DOCK11: variants seen among roughly 807,000 people sequenced by gnomAD.
DOCK11 encodes dedicator of cytokinesis 11, also known as dedicator of cytokinesis protein 11.
Under a neutral mutation model 169.1 loss-of-function variants are expected in DOCK11, and 70 were observed. That is an observed-to-expected ratio of 0.41 (90% confidence interval 0.34 to 0.51). DOCK11 has a LOEUF of 0.51. Among genes scored for constraint, DOCK11 ranks in the 20% least tolerant of loss-of-function variants. The pLI is 0.10. For missense variants in DOCK11, 1,166 were observed against 1,538.8 expected (o/e 0.76, Z 4.05); for synonymous variants, 529 against 541.3 (o/e 0.98, Z 0.32).
intron 1 of DOCK11, among the ~76,000 whole-genome samples, chrX:118,511,082 AGATGTG>A (rs1349878015): frequency 8.9e-6 from 1 of 112,123 alleles, no homozygotes; most frequent in Non-Finnish European, 1.9e-5. Context: ...ACTCTATCGT[AGATGTG>A]GATTGCATTT....
At chrX:118,577,817 T>G (rs2013496336) in intron 12 of DOCK11, among the ~76,000 whole-genome samples, 2 of 111,904 alleles carry the variant, frequency 1.8e-5, no homozygotes, top group Admixed American at 1.9e-4. Flanking sequence ...AGAGACTCAG[T>G]GATAGATTTT....
chrX:118,619,522 T>C (rs892140512), intron 31 of DOCK11, among the ~76,000 whole-genome samples: 2 of 104,943 alleles, frequency 1.9e-5, no homozygotes, highest in Non-Finnish European at 3.9e-5. Context: ...ATAGTTTAGT[T>C]AACTGTTAAA....
intron 35 of DOCK11, chrX:118,632,896 T>C (rs1239735034): frequency 9.8e-6 from 1 of 102,446 alleles, no homozygotes; most frequent in Admixed American, 1.1e-4. Flanking sequence ...GAAGTCTGAA[T>C]TGACAAGAAG....
chrX:118,630,339 A>G (rs777782390), intron 34 of DOCK11, 40 bp from the exon 35 acceptor site: 7 of 903,241 alleles, frequency 7.7e-6, no homozygotes, highest in Non-Finnish European at 7.9e-6. Context: ...GCTGTGGAAA[A>G]TTGTACTGAT....
chrX:118,644,559 T>C (rs1201269998), intron 40 of DOCK11, among the ~76,000 whole-genome samples: 1 of 112,036 alleles, frequency 8.9e-6, no homozygotes, highest in Non-Finnish European at 1.9e-5. Flanking sequence ...TAAAGGCTTA[T>C]TGTCCAGTAG....
intron 46 of DOCK11, among the ~76,000 whole-genome samples, chrX:118,673,506 C>T (rs928943817): frequency 5.4e-5 from 6 of 111,594 alleles, no homozygotes; most frequent in African/African-American, 2.0e-4. Flanking sequence ...CTGATGCATA[C>T]TTTTTCAGTG....
At chrX:118,632,175 G>C (rs966405976) in intron 35 of DOCK11, among the ~76,000 whole-genome samples, 20 of 111,016 alleles carry the variant, frequency 1.8e-4, no homozygotes, top group South Asian at 3.8e-4. Flanking sequence ...GGATGGTCTC[G>C]ATCTCCTGAC....
At chrX:118,681,032 G>A in intron 49 of DOCK11, 26 bp from the exon 50 acceptor site, 3 of 1,116,613 alleles carry the variant, frequency 2.7e-6, no homozygotes, top group Non-Finnish European at 3.6e-6. Flanking sequence ...TCTAAAGTCA[G>A]TAAATCAATC....
At chrX:118,629,166 A>G (rs1057514615) in intron 34 of DOCK11, among the ~76,000 whole-genome samples, 4 of 111,714 alleles carry the variant, frequency 3.6e-5, no homozygotes, top group Non-Finnish European at 7.5e-5. Flanking sequence ...GTTACCCTTG[A>G]GAACCAGTGG....
intron 44 of DOCK11, among the ~76,000 whole-genome samples, chrX:118,656,302 T>C: frequency 9.0e-6 from 1 of 110,988 alleles, no homozygotes; most frequent in Admixed American, 9.5e-5. Context: ...AATGAATAAA[T>C]AAATTTTTTA....
chrX:118,588,550 T>C (rs1361592098), intron 18 of DOCK11, 72 bp downstream of exon 18: 18 of 835,553 alleles, frequency 2.2e-5, no homozygotes, highest in Admixed American at 3.5e-5. Flanking sequence ...AGTCTTATGC[T>C]CTAGGTTTAA....
intron 40 of DOCK11, among the ~76,000 whole-genome samples, chrX:118,644,331 C>T (rs1219065727): frequency 8.9e-6 from 1 of 111,886 alleles, no homozygotes; most frequent in Non-Finnish European, 1.9e-5. Flanking sequence ...GCTTTGAAAA[C>T]TTTTTGCCAT....
rs757082605 is a variant in DOCK11 at position 118,599,114 on chromosome X, A to G, written c.2473-25A>G. 6.9e-6 allele frequency: 8 copies of G among 1,160,353 alleles called. 1 individual carries two copies. The highest frequency in any genetic ancestry group is 2.4e-4 in the Middle Eastern group (1 of 4,220). On this transcript the variant is annotated intron_variant, in intron 22 of 52. Coordinates refer to ENST00000276202, the MANE Select transcript of DOCK11 (RefSeq NM_144658.4). ...TTGAGGATAATGAATCAAATTTCAT[A>G]TGGCTGTTTCCATCTGTGTTCCAGG...
At chrX:118,574,109 A>G in intron 12 of DOCK11, 91 bp downstream of exon 12, 1 of 937,825 alleles carries the variant, frequency 1.1e-6, no homozygotes, top group Non-Finnish European at 1.5e-6. Flanking sequence ...CAATGTTTTC[A>G]TGGCATTCTC....
chrX:118,505,974 C>T (rs934068609), intron 1 of DOCK11, among the ~76,000 whole-genome samples: 1 of 112,568 alleles, frequency 8.9e-6, no homozygotes, highest in Non-Finnish European at 1.9e-5. Context: ...TCACTGATGC[C>T]AGGCACGTTA....
In DOCK11 at chrX:118,685,779, A is replaced by C. The variant is rs760741761; in HGVS notation, c.6194A>C (p.Tyr2065Ser). 8.3e-7 allele frequency: 1 copy of C among 1,211,697 alleles called. No individual in the cohort carries two copies. Among genetic ancestry groups the C allele is most frequent in the African/African-American group, 1.7e-5 (1 of 57,896 alleles). ...AISGTSSDRGYGSPRYAEV is the reference protein window; with the variant it reads ...AISGTSSDRGSGSPRYAEV ...AGTGGTACATCAAGTGACCGAGGTT[A>C]TGGTTCCCCAAGATACGCTGAAGTG... The change falls in exon 53 of 53, where the codon TAT (tyrosine) becomes TCT (serine). Residue 2065 changes from tyrosine (Y) to serine (S), a missense_variant. Tyr to Ser is a moderately radical substitution (Grantham distance 144). Transcript: ENST00000276202.
chrX:118,516,222 A>G (rs2057686920), intron 1 of DOCK11, among the ~76,000 whole-genome samples: 1 of 98,946 alleles, frequency 1.0e-5, no homozygotes, highest in Admixed American at 1.1e-4. Flanking sequence ...CCTCCTGAGT[A>G]GCTGGGACTA....
At chrX:118,504,720 T>C (rs1353525297) in intron 1 of DOCK11, among the ~76,000 whole-genome samples, 1 of 111,851 alleles carries the variant, frequency 8.9e-6, no homozygotes, top group East Asian at 2.8e-4. Context: ...TGCAGAGGAG[T>C]TGGTGGGTAA....
At chrX:118,510,089 T>G (rs941145599) in intron 1 of DOCK11, among the ~76,000 whole-genome samples, 9 of 112,460 alleles carry the variant, frequency 8.0e-5, no homozygotes, top group Non-Finnish European at 1.3e-4. Context: ...CTGCAAAGTC[T>G]TCTTTGCCAT....
Sources: gnomAD v4.1 joint callset for allele counts (sites outside exome capture counted in the v4.1 genomes callset) on GRCh38, gnomAD v4.1.1 for gene constraint, MANE v1.5 for transcripts, NCBI Gene and HGNC (gene_info 2026-07-23, HGNC 2026-07-21) for gene names.